The following PHF21A variants were observed in gnomAD, a reference collection of about 807,000 sequenced individuals.
The protein encoded by PHF21A is BHC80a.
PHF21A carries 11 observed loss-of-function variants against 82.5 expected under a neutral mutation model. That is an observed-to-expected ratio of 0.13 (90% CI 0.08 to 0.22). The LOEUF is 0.22. PHF21A is among the 10% of genes least tolerant of loss of function. The probability of loss-of-function intolerance (pLI) is 1.00; values close to 1 mark genes in which losing one functional copy is unlikely to be tolerated. For missense variants in PHF21A, 579 were observed against 837.8 expected, an observed-to-expected ratio of 0.69 and a Z score of 3.81; for synonymous variants, 297 against 302.8, an observed-to-expected ratio of 0.98 and a Z score of 0.20.
chr11:46,113,104 AGAAG>A (rs2097239808), intron 1 of PHF21A, among the ~76,000 whole-genome samples: 2 of 152,216 alleles, frequency 1.3e-5, no homozygotes, highest in Admixed American at 6.5e-5. Flanking sequence ...GGAGCAGACA[AGAAG>A]GAAGGGTTTT....
intron 6 of PHF21A, among the ~76,000 whole-genome samples, chr11:45,996,861 A>G (rs917326255): frequency 6.6e-6 from 1 of 152,216 alleles, no homozygotes; most frequent in Non-Finnish European, 1.5e-5. Flanking sequence ...TAACCTAAAA[A>G]AGGTCAATAG....
chr11:45,978,664 TTAAG>T (rs2094150413), intron 7 of PHF21A, among the ~76,000 whole-genome samples: 1 of 152,200 alleles, frequency 6.6e-6, no homozygotes, highest in Non-Finnish European at 1.5e-5. Context: ...AATGAGTGTA[TTAAG>T]TGTGAATGTA....
intron 6 of PHF21A, among the ~76,000 whole-genome samples, chr11:46,000,881 T>C (rs914273170): frequency 2.0e-5 from 3 of 151,800 alleles, no homozygotes; most frequent in African/African-American, 7.3e-5. Flanking sequence ...GATCGCACCA[T>C]TGCACTCCAG....
chr11:46,066,393 A>G (rs1376467516), intron 6 of PHF21A, among the ~76,000 whole-genome samples: 2 of 152,152 alleles, frequency 1.3e-5, no homozygotes, highest in Non-Finnish European at 2.9e-5. Context: ...AAAAATTAAT[A>G]TGTGTTCCTT....
intron 6 of PHF21A, among the ~76,000 whole-genome samples, chr11:46,017,758 T>A (rs958696671): frequency 1.3e-5 from 2 of 152,190 alleles, no homozygotes; most frequent in African/African-American, 4.8e-5. Context: ...TGTAGACTGA[T>A]AGGAAAAACT....
At chr11:45,957,312 C>T (rs1475415750) in intron 10 of PHF21A, among the ~76,000 whole-genome samples, 1 of 152,182 alleles carries the variant, frequency 6.6e-6, no homozygotes, top group African/African-American at 2.4e-5. Flanking sequence ...GAATACTCCA[C>T]TCCACAAGAG....
chr11:45,967,884 G>C (rs181222709), intron 9 of PHF21A, among the ~76,000 whole-genome samples: 23 of 152,240 alleles, frequency 1.5e-4, no homozygotes, highest in Admixed American at 1.5e-3. Flanking sequence ...TTCTGAAATA[G>C]AGAACACAGT....
At chr11:45,950,116 T>G (rs1399695607) in intron 12 of PHF21A, 90 bp downstream of exon 12, 2 of 1,061,708 alleles carry the variant, frequency 1.9e-6, no homozygotes, top group Non-Finnish European at 2.8e-6. Context: ...GTGTTCCAAT[T>G]TTCTATTCCA....
At chr11:46,033,659 A>G (rs2095916035) in intron 6 of PHF21A, among the ~76,000 whole-genome samples, 1 of 152,242 alleles carries the variant, frequency 6.6e-6, no homozygotes, top group Non-Finnish European at 1.5e-5. Context: ...ATTGTCCAAT[A>G]TGCTATCTAT....
Position 45,953,607 on chromosome 11 carries a change from C to T in PHF21A, c.1015G>A (p.Glu339Lys). Reference sequence around the variant, plus strand: ...CTCTCTGTTTGTTTCTCATCTGTTTCTGTGTGAGATTTAACTGTCTAGGAG... The same window carrying T: ...CTCTCTGTTTGTTTCTCATCTGTTTTTGTGTGAGATTTAACTGTCTAGGAG... The part of the protein sequence containing the change: ...LEKQTVKSHT[E>K]TDEKQTESRT... The change falls in exon 11 of 19, where the codon GAA becomes AAA. Residue 339 changes from glutamate (E) to lysine (K), a missense_variant. Physicochemically the swap from Glu to Lys is moderately conservative, Grantham distance 56. Transcript: ENST00000676320. 6.2e-7 allele frequency: 1 copy of T among 1,612,868 alleles called. No homozygotes were observed. Among genetic ancestry groups the T allele is most frequent in the Non-Finnish European group, 8.5e-7 (1 of 1,179,030 alleles).
chr11:46,110,460 TTA>T (rs1224771429), intron 1 of PHF21A, among the ~76,000 whole-genome samples: 1 of 152,232 alleles, frequency 6.6e-6, no homozygotes, highest in Non-Finnish European at 1.5e-5. Context: ...TTTACTCTCC[TTA>T]TTTCCTCTCC....
intron 6 of PHF21A, among the ~76,000 whole-genome samples, chr11:46,037,200 C>T (rs1434577382): frequency 2.0e-5 from 3 of 152,176 alleles, no homozygotes; most frequent in Non-Finnish European, 4.4e-5. Context: ...AAAAAACTTT[C>T]AGAAAGGCTA....
At chr11:46,012,447 G>A (rs1195343377) in intron 6 of PHF21A, among the ~76,000 whole-genome samples, 2 of 152,194 alleles carry the variant, frequency 1.3e-5, no homozygotes, top group Non-Finnish European at 2.9e-5. Flanking sequence ...TCTCAATGAA[G>A]CAATTATCTC....
At chr11:46,114,431 G>A (rs1256286743) in intron 1 of PHF21A, among the ~76,000 whole-genome samples, 2 of 152,184 alleles carry the variant, frequency 1.3e-5, no homozygotes, top group African/African-American at 4.8e-5. Context: ...TATAGTCCAA[G>A]AAATTCCTAA....
rs527478871 is a variant in PHF21A, at chr11:45,933,600, G to A, written c.*368C>T. 6.1e-4 allele frequency: 110 copies of A among 181,738 alleles called. No homozygotes were observed. Among genetic ancestry groups the A allele is most frequent in the African/African-American group, 2.4e-3 (104 of 42,728 alleles). The allele number at this position is 181,738 out of a possible 1,614,324, so 11.3% of individuals were successfully genotyped here. A position where few individuals can be genotyped will look rare whatever the true frequency, so the allele number is the denominator to read the frequency against. ...ATCTGAAACCTGCTCTCCTCCCTCC[G>A]CCCGTCCCTGCTCCCCACCCAAGAA... is the stretch of plus-strand genomic sequence containing the variant. On this transcript the variant is annotated 3_prime_UTR_variant, in exon 19 of 19. Transcript: ENST00000676320.
intron 4 of PHF21A, among the ~76,000 whole-genome samples, chr11:46,082,995 A>T (rs1243697289): frequency 6.6e-6 from 1 of 152,210 alleles, no homozygotes. Flanking sequence ...CCCAAAATTC[A>T]TTCTATGATG....
chr11:46,108,514 A>T (rs1231062626), intron 1 of PHF21A, among the ~76,000 whole-genome samples: 2 of 151,324 alleles, frequency 1.3e-5, no homozygotes, highest in African/African-American at 4.8e-5. Context: ...GGAAAAAAGT[A>T]AACTTTGAGA....
intron 6 of PHF21A, among the ~76,000 whole-genome samples, chr11:46,064,860 T>C (rs1489846135): frequency 2.0e-5 from 3 of 152,252 alleles, no homozygotes; most frequent in Non-Finnish European, 2.9e-5. Context: ...TAATAATGTA[T>C]TGCTTTGGCA....
In PHF21A at chr11:45,931,431, G is replaced by A. The variant is rs2087647885; in HGVS notation, c.*2537C>T. 1 of 152,202 alleles carries A rather than the reference G, an allele frequency of 6.6e-6. No homozygotes were observed. The highest frequency in any genetic ancestry group is 6.5e-5 in the Admixed American group (1 of 15,274). The allele number at this position is 152,202 out of a possible 1,614,324, so 9.4% of individuals were successfully genotyped here. On this transcript the variant is annotated 3_prime_UTR_variant, in exon 19 of 19. Transcript: ENST00000676320. The stretch of plus-strand genomic sequence containing the variant: ...CTCCCTGACTAGACACAGCACCTTG[G>A]TTTCTGAATGAGAAAAGGGAACTCT...
Sources: gnomAD v4.1 joint callset for allele counts (sites outside exome capture counted in the v4.1 genomes callset) on GRCh38, gnomAD v4.1.1 for gene constraint, MANE v1.5 for transcripts, NCBI Gene and HGNC (gene_info 2026-07-23, HGNC 2026-07-21) for gene names.